The following FKTN variants were observed in gnomAD, a reference collection of about 807,000 sequenced individuals.
The protein encoded by FKTN is ribitol-5-phosphate transferase FKTN.
In FKTN, 47 loss-of-function variants were observed where a neutral mutation model predicts 58.6. The observed-to-expected ratio is 0.80, with a 90% CI of 0.63 to 1.02. The LOEUF (loss-of-function observed/expected upper bound fraction) is 1.02, where lower values mean the gene tolerates loss of function less well. Ranked by LOEUF, FKTN falls within the 50% of genes least tolerant of loss-of-function variation. FKTN has a pLI of 0.00. For missense variants in FKTN, 516 were observed against 537.3 expected (o/e 0.96, Z 0.39); for synonymous variants, 178 against 191.9 (o/e 0.93, Z 0.60).
In FKTN at chr9:105,639,841, TTACTG is replaced by T; in HGVS notation, c.*4582_*4586del. 1 of 1,319,358 alleles carries T rather than the reference TTACTG, an allele frequency of 7.6e-7. No homozygotes were observed. The highest frequency in any genetic ancestry group is 9.7e-7 in the Non-Finnish European group (1 of 1,036,128). The allele number at this position is 1,319,358 out of a possible 1,614,324, so 81.7% of individuals were successfully genotyped here. A position where few individuals can be genotyped will look rare whatever the true frequency, so the allele number is the denominator to read the frequency against. On this transcript the variant is annotated 3_prime_UTR_variant, in exon 11 of 11. Transcript: ENST00000357998. ...ACCTAGTTTGCTGGTCCCAAGCAGT[TTACTG>T]TACTTCACTAGATTTGGTACCTGCT...
In FKTN at chr9:105,637,367, ATTC is replaced by A; in HGVS notation, c.*2107_*2109del. Reference sequence around the variant, plus strand: ...TTGGCCCAATTGACACAGGTTCTATATTCTTCCCTACATAGACCACTGGCTGCT... The same window carrying A: ...TTGGCCCAATTGACACAGGTTCTATATTCCCTACATAGACCACTGGCTGCT... On this transcript the variant is annotated 3_prime_UTR_variant, in exon 11 of 11. Transcript: ENST00000357998. 1 of 985,354 alleles carries A rather than the reference ATTC, an allele frequency of 1.0e-6. No individual in the cohort carries two copies. Among genetic ancestry groups the A allele is most frequent in the Non-Finnish European group, 1.2e-6 (1 of 829,918 alleles). The allele number at this position is 985,354 out of a possible 1,614,324, so 61.0% of individuals were successfully genotyped here.
intron 10 of FKTN, among the ~76,000 whole-genome samples, chr9:105,633,688 T>A (rs1833748913): frequency 6.6e-6 from 1 of 152,218 alleles, no homozygotes; most frequent in Non-Finnish European, 1.5e-5. Flanking sequence ...GTCCATTAAC[T>A]GGGTTTGAGT....
intron 10 of FKTN, among the ~76,000 whole-genome samples, chr9:105,620,841 CT>C (rs1021711290): frequency 2.0e-5 from 3 of 150,162 alleles, no homozygotes; most frequent in African/African-American, 7.4e-5. Flanking sequence ...TATTTCTCTT[CT>C]TATTCTCATG....
chr9:105,563,100 A>G (rs1482215449), intron 1 of FKTN, among the ~76,000 whole-genome samples: 1 of 152,238 alleles, frequency 6.6e-6, no homozygotes, highest in Non-Finnish European at 1.5e-5. Flanking sequence ...CCAGTTACCA[A>G]AAGTCTTTCA....
In FKTN at chr9:105,638,885, A is replaced by G; in HGVS notation, c.*3621A>G. ...GACTACAGTACTTCAAATGGCACAT[A>G]GATAGGCAGGATATTACATAGGTAA... On this transcript the variant is annotated 3_prime_UTR_variant, in exon 11 of 11. Coordinates refer to ENST00000357998, the MANE Select transcript of FKTN (RefSeq NM_001079802.2). The G allele has an allele frequency of 1.3e-5, 13 of 985,200 alleles. No individual in the cohort carries two copies. Among genetic ancestry groups the G allele is most frequent in the Non-Finnish European group, 1.6e-5 (13 of 829,732 alleles). 61.0% of individuals were successfully genotyped at this position (985,200 alleles called of 1,614,324 possible).
chr9:105,607,131 A>C (rs909835787), intron 6 of FKTN, among the ~76,000 whole-genome samples: 9 of 152,236 alleles, frequency 5.9e-5, no homozygotes, highest in South Asian at 4.1e-4. Context: ...CAATAGATAA[A>C]AGCTATCTCT....
chr9:105,616,271 GC>G (rs1288439186), intron 8 of FKTN, among the ~76,000 whole-genome samples: 1 of 151,958 alleles, frequency 6.6e-6, no homozygotes, highest in Non-Finnish European at 1.5e-5. Context: ...GATTGTTATT[GC>G]CTTTTTTTAT....
In FKTN at chr9:105,601,239, T is replaced by G; in HGVS notation, c.260T>G (p.Phe87Cys). 6.2e-7 allele frequency: 1 copy of G among 1,611,778 alleles called. No homozygotes were observed. The highest frequency in any genetic ancestry group is 8.5e-7 in the Non-Finnish European group (1 of 1,178,160). The change falls in exon 5 of 11, where the codon TTT (phenylalanine) becomes TGT (cysteine). Residue 87 changes from phenylalanine to cysteine, a missense_variant. Physicochemically the swap from Phe to Cys is radical, Grantham distance 205. Coordinates refer to ENST00000357998, the MANE Select transcript of FKTN (RefSeq NM_001079802.2). ...ATACTGGAATTGATTAATAAGAACT[T>G]TGAACAAGTCAAAAATACTTCTCAT... Reference protein sequence around the residue: ...PLILELINKNFEQVKNTSHGS... With the variant: ...PLILELINKNCEQVKNTSHGS...
chr9:105,569,433 A>C (rs1404901404), intron 1 of FKTN, among the ~76,000 whole-genome samples: 1 of 152,118 alleles, frequency 6.6e-6, no homozygotes, highest in African/African-American at 2.4e-5. Context: ...GTTTTTTTCC[A>C]AGCCTTTTCA....
intron 6 of FKTN, 113 bp downstream of exon 6, chr9:105,604,605 A>G: frequency 1.2e-6 from 1 of 852,376 alleles, no homozygotes; most frequent in Non-Finnish European, 1.9e-6. Context: ...ATAAGTATTT[A>G]CAGTAACATT....
At chr9:105,634,066 T>C (rs1259689668) in intron 10 of FKTN, among the ~76,000 whole-genome samples, 1 of 152,186 alleles carries the variant, frequency 6.6e-6, no homozygotes, top group East Asian at 1.9e-4. Flanking sequence ...TCTTTTCTAG[T>C]ATACATAATT....
At position 105,607,845 on chromosome 9, in the gene FKTN, A is replaced by G; in HGVS notation, c.674A>G (p.Asp225Gly). The change falls in exon 7 of 11, where the codon GAT becomes GGT. Residue 225 changes from aspartate to glycine, a missense_variant. Coordinates refer to ENST00000357998, the MANE Select transcript of FKTN (RefSeq NM_001079802.2). ...DRPELQQVTV[D>G]GLEVLIPKDP... The stretch of plus-strand genomic sequence containing the variant: ...CCAGAGTTACAGCAAGTTACTGTTG[A>G]TGGACTGGAAGTTCTCATTCCAAAG... 1 of 1,613,006 alleles carries G rather than the reference A, an allele frequency of 6.2e-7. No homozygotes were observed. The highest frequency in any genetic ancestry group is 1.3e-5 in the African/African-American group (1 of 74,924).
At chr9:105,630,396 A>G (rs1264724052) in intron 10 of FKTN, among the ~76,000 whole-genome samples, 1 of 152,188 alleles carries the variant, frequency 6.6e-6, no homozygotes, top group East Asian at 1.9e-4. Context: ...GATAACCTAT[A>G]TTCATTCGAG....
intron 1 of FKTN, among the ~76,000 whole-genome samples, chr9:105,567,674 C>T (rs1839922286): frequency 6.6e-6 from 1 of 152,208 alleles, no homozygotes; most frequent in Non-Finnish European, 1.5e-5. Flanking sequence ...ATTCTATGCT[C>T]ATGGATAGGA....
chr9:105,602,332 T>C lies in FKTN; in HGVS notation c.369+984T>C, dbSNP rs184637038. 2.6e-5 allele frequency among the ~76,000 whole-genome samples: 4 copies of C among 152,318 alleles called. No individual in the cohort carries two copies. In the East Asian group the frequency reaches 7.7e-4, roughly 29 times the overall value. ...GACTCTAAATGCCAGTTTGTCATTA[T>C]GATAAACCAAAAATATCCCCCCAAA... On this transcript the variant is annotated intron_variant, in intron 5 of 10. Transcript: ENST00000357998.
At chr9:105,566,673 A>C (rs918277345) in intron 1 of FKTN, among the ~76,000 whole-genome samples, 4 of 152,202 alleles carry the variant, frequency 2.6e-5, no homozygotes, top group East Asian at 1.9e-4. Flanking sequence ...AACCAAAAAA[A>C]GTCCAGGACC....
In FKTN at chr9:105,639,933, T is replaced by G. The variant is rs1324556964; in HGVS notation, c.*4669T>G. ...CTAGATGTAAATCTTTACCTCCTTG[T>G]TAGTGAAATTAGATATAAGCCATGA... On this transcript the variant is annotated 3_prime_UTR_variant, in exon 11 of 11. Coordinates refer to ENST00000357998, the MANE Select transcript of FKTN (RefSeq NM_001079802.2). 5 of 1,461,020 alleles carry G rather than the reference T, an allele frequency of 3.4e-6. No homozygotes were observed. In the East Asian group the frequency reaches 1.3e-4, roughly 37 times the overall value. 90.5% of individuals were successfully genotyped at this position (1,461,020 alleles called of 1,614,324 possible).
At chr9:105,602,849 C>A (rs1023141851) in intron 5 of FKTN, among the ~76,000 whole-genome samples, 1 of 152,148 alleles carries the variant, frequency 6.6e-6, no homozygotes, top group African/African-American at 2.4e-5. Flanking sequence ...CATATGACAT[C>A]CTACTATTCA....
At chr9:105,564,936 T>C (rs34055195) in intron 1 of FKTN, among the ~76,000 whole-genome samples, 1 of 152,172 alleles carries the variant, frequency 6.6e-6, no homozygotes, top group East Asian at 1.9e-4. Flanking sequence ...CCCATCAGAC[T>C]AACAGCTGAT....
Sources: allele counts gnomAD v4.1 joint callset (sites outside exome capture counted in the v4.1 genomes callset), GRCh38; gene constraint gnomAD v4.1.1; transcripts MANE v1.5; gene names NCBI Gene and HGNC (gene_info 2026-07-23, HGNC 2026-07-21).